The following ZNF530 variants were observed in gnomAD, a reference collection of about 807,000 sequenced individuals.
The protein encoded by ZNF530 is zinc finger protein 530.
A neutral mutation model predicts 2.8 loss-of-function variants in ZNF530; 5 were observed. That is an observed-to-expected ratio of 1.80 (90% CI 0.94 to 3.78). The LOEUF (loss-of-function observed/expected upper bound fraction) is 3.78, where lower values mean the gene tolerates loss of function less well. Ranked by LOEUF, ZNF530 falls within the 30% of genes most tolerant of loss-of-function variation. The probability of loss-of-function intolerance (pLI) is 0.00; values close to 1 mark genes in which losing one functional copy is unlikely to be tolerated. For synonymous variants in ZNF530, 229 were observed against 235.0 expected, an observed-to-expected ratio of 0.97 and a Z score of 0.23; for missense variants, 619 against 673.3, an observed-to-expected ratio of 0.92 and a Z score of 0.89.
In ZNF530 at chr19:57,606,246, T is replaced by C; in HGVS notation, c.622T>C (p.Cys208Arg). The change falls in exon 4 of 4, where the codon TGC becomes CGC. Residue 208 changes from cysteine to arginine, a missense_variant. By Grantham distance (180) the Cys-to-Arg change is radical (BLOSUM62 -3). Transcript: ENST00000597700. Reference protein sequence around the residue: ...RADSGERPYKCSECGKSFSQS... With the variant: ...RADSGERPYKRSECGKSFSQS... ...TGACTCTGGAGAAAGGCCTTACAAG[T>C]GCAGTGAATGTGGGAAATCCTTTAG... 1 of 1,614,234 alleles carries C rather than the reference T, an allele frequency of 6.2e-7. No homozygotes were observed.
At position 57,600,132 on chromosome 19, in the gene ZNF530, C is replaced by A; in HGVS notation, c.-124C>A. The A allele has an allele frequency of 1.3e-6, 2 of 1,570,856 alleles. No homozygotes were observed. The highest frequency in any genetic ancestry group is 1.8e-5 in the Admixed American group (1 of 54,930). On this transcript the variant is annotated splice_region_variant and 5_prime_UTR_variant, in exon 1 of 4. Transcript: ENST00000597700. ...GGCGGCGGCACTGAGGGCCCCGACC[C>A]AGGTGAGCGCTGCGTCCTCCCGGCC... is the stretch of plus-strand genomic sequence containing the variant.
chr19:57,607,303 A>G lies in ZNF530; in HGVS notation c.1679A>G (p.His560Arg). The change falls in exon 4 of 4, where the codon CAC (histidine) becomes CGC (arginine). Residue 560 changes from histidine to arginine, a missense_variant. His to Arg is a conservative substitution (Grantham distance 29). Transcript: ENST00000597700. ...AGCCAAAGCTCTGGCCTCTTAAGAC[A>G]CAGAAGAGTTCATGTGCAGTGAATG... is the stretch of plus-strand genomic sequence containing the variant. The part of the protein sequence containing the change: ...SFSQSSGLLR[H>R]RRVHVQ 6.2e-7 allele frequency: 1 copy of G among 1,609,186 alleles called. No homozygotes were observed. Among genetic ancestry groups the G allele is most frequent in the Non-Finnish European group, 8.5e-7 (1 of 1,177,364 alleles).
Position 57,607,075 on chromosome 19 carries a change from G to A in ZNF530, c.1451G>A (p.Arg484Lys), listed in dbSNP as rs1184339308. The A allele has an allele frequency of 5.0e-6, 8 of 1,612,918 alleles. No individual in the cohort carries two copies. The highest frequency in any genetic ancestry group is 1.6e-4 in the Middle Eastern group (1 of 6,074). ...IRHQTVHTNERPYECDECGKS... is the reference protein window; with the variant it reads ...IRHQTVHTNEKPYECDECGKS... ...CACCAGACTGTTCACACTAATGAAA[G>A]GCCTTATGAGTGCGATGAATGTGGG... The change falls in exon 4 of 4, where the codon AGG becomes AAG. Residue 484 changes from arginine to lysine, a missense_variant. Physicochemically the swap from Arg to Lys is conservative, Grantham distance 26. Transcript: ENST00000597700.
At position 57,605,934 on chromosome 19, in the gene ZNF530, C is replaced by T. The variant is rs768170721; in HGVS notation, c.310C>T (p.Gln104Ter). ...FWMSSNLHQL[Q>*]KLDNGEKLFK... ...GATGAGTTCAAACCTTCACCAGCTC[C>T]AGAAGCTTGATAATGGAGAGAAGCT... The change falls in exon 4 of 4, where the codon CAG (glutamine) becomes TAG (stop). Residue 104 changes from glutamine to a stop codon, truncating the protein, a stop_gained. Transcript: ENST00000597700. LOFTEE classifies it low-confidence loss of function (END_TRUNC). 38 of 1,614,076 alleles carry T rather than the reference C, an allele frequency of 2.4e-5. No individual in the cohort carries two copies. Among genetic ancestry groups the T allele is most frequent in the Non-Finnish European group, 3.1e-5 (37 of 1,180,038 alleles).
chr19:57,606,446 A>G lies in ZNF530; in HGVS notation c.822A>G (p.Val274=). 6.2e-7 allele frequency: 1 copy of G among 1,613,612 alleles called. No individual in the cohort carries two copies. ...AATGTGGCAAATCCTTTCGCCAGGT[A>G]TCTGTCCTCATTCAACATCAACGAG... ...CSECGKSFRQ[V]SVLIQHQRVH... Residue 274 remains valine, a synonymous_variant, in exon 4 of 4, where the codon GTA becomes GTG. Transcript: ENST00000597700.
Position 57,606,667 on chromosome 19 carries a change from G to A in ZNF530, c.1043G>A (p.Cys348Tyr). The A allele has an allele frequency of 6.2e-7, 1 of 1,614,184 alleles. No individual in the cohort carries two copies. The highest frequency in any genetic ancestry group is 8.5e-7 in the Non-Finnish European group (1 of 1,180,028). ...RVHTGVRPYE[C>Y]SECGKAFSCN... The stretch of plus-strand genomic sequence containing the variant: ...CACACTGGAGTAAGGCCTTATGAGT[G>A]TAGTGAATGTGGGAAAGCATTTAGT... The change falls in exon 4 of 4, where the codon TGT (cysteine) becomes TAT (tyrosine). Residue 348 changes from cysteine to tyrosine, a missense_variant. Transcript: ENST00000597700.
At chr19:57,601,374 G>GT (rs1471903727) in intron 2 of ZNF530, among the ~76,000 whole-genome samples, 27 of 152,182 alleles carry the variant, frequency 1.8e-4, no homozygotes, top group Admixed American at 3.3e-4. Flanking sequence ...TGATTTTCTG[G>GT]TATTGGGACT....
At chr19:57,603,075 G>C (rs1980322057) in intron 2 of ZNF530, among the ~76,000 whole-genome samples, 6 of 152,190 alleles carry the variant, frequency 3.9e-5, no homozygotes, top group African/African-American at 7.2e-5. Context: ...ATTTTTAGTA[G>C]AGACGGGGTT....
chr19:57,610,649 T>C (rs11880574), downstream of ZNF530, among the ~76,000 whole-genome samples: 9,395 of 152,096 alleles, frequency 0.062, 419 homozygotes, highest in East Asian at 0.16. Context: ...ACACTGTTCC[T>C]CAGGAAACAG....
At position 57,606,415 on chromosome 19, in the gene ZNF530, G is replaced by A; in HGVS notation, c.791G>A (p.Cys264Tyr). The A allele has an allele frequency of 6.2e-7, 1 of 1,613,874 alleles. No individual in the cohort carries two copies. ...CACACTGGAGAAAGGCCTTATGACT[G>A]CAGTGAATGTGGCAAATCCTTTCGC... ...RVHTGERPYD[C>Y]SECGKSFRQV... Residue 264 changes from cysteine (C) to tyrosine (Y), a missense_variant, in exon 4 of 4, where the codon TGC (cysteine) becomes TAC (tyrosine). Transcript: ENST00000597700.
chr19:57,599,936 A>T lies in ZNF530; in HGVS notation c.-320A>T, dbSNP rs1447540707. ...GGGCACTTTGGCTTGTGTCAGTTCC[A>T]TCCGCGGGTGCCGGATCTGGACCTA... is the stretch of plus-strand genomic sequence containing the variant. On this transcript the variant is annotated 5_prime_UTR_variant, in exon 1 of 4. Coordinates refer to ENST00000597700, the MANE Select transcript of ZNF530 (RefSeq NM_001321981.2). 1.4e-6 allele frequency: 1 copy of T among 709,870 alleles called. No individual in the cohort carries two copies. The highest frequency in any genetic ancestry group is 2.2e-6 in the Non-Finnish European group (1 of 456,586). The allele number at this position is 709,870 out of a possible 1,614,324, so 44.0% of individuals were successfully genotyped here.
downstream of ZNF530, among the ~76,000 whole-genome samples, chr19:57,612,131 G>A (rs1263267537): frequency 6.6e-6 from 1 of 152,162 alleles, no homozygotes; most frequent in East Asian, 1.9e-4. Flanking sequence ...CTGGCATTGA[G>A]CTCTCCATGT....
Position 57,606,277 on chromosome 19 carries a change from G to GT in ZNF530, c.655dup (p.Ser219PhefsTer12). On this transcript the variant is annotated frameshift_variant, in exon 4 of 4. Transcript: ENST00000597700. LOFTEE classifies it low-confidence loss of function (END_TRUNC). ...GAATGTGGGAAATCCTTTAGTCAAA[G>GT]TTCTGGCTTTCTTCGACACAGGAAA... 1 of 1,613,968 alleles carries GT rather than the reference G, an allele frequency of 6.2e-7. No individual in the cohort carries two copies. Among genetic ancestry groups the GT allele is most frequent in the East Asian group, 2.2e-5 (1 of 44,864 alleles).
downstream of ZNF530, chr19:57,612,662 C>T: frequency 2.5e-6 from 1 of 396,164 alleles, no homozygotes; most frequent in Non-Finnish European, 4.4e-6. Context: ...GCCTGTGCAA[C>T]ACAGTGAGAT....
Position 57,600,118 on chromosome 19 carries a change from T to C in ZNF530, c.-138T>C. On this transcript the variant is annotated 5_prime_UTR_variant, in exon 1 of 4. Coordinates refer to ENST00000597700, the MANE Select transcript of ZNF530 (RefSeq NM_001321981.2). Reference sequence around the variant, plus strand: ...GCCCAGAGTCCGATGGCGGCGGCACTGAGGGCCCCGACCCAGGTGAGCGCT... The same window carrying C: ...GCCCAGAGTCCGATGGCGGCGGCACCGAGGGCCCCGACCCAGGTGAGCGCT... 1 of 1,567,340 alleles carries C rather than the reference T, an allele frequency of 6.4e-7. No individual in the cohort carries two copies. The highest frequency in any genetic ancestry group is 8.7e-7 in the Non-Finnish European group (1 of 1,155,214).
Position 57,604,367 on chromosome 19 carries a change from G to A in ZNF530, c.22G>A (p.Asp8Asn), listed in dbSNP as rs146090269. ...TGAGATGCAGAGGCTCCTGTACCGCGATGTGATGCTGGAGAACTTTGCAGT... is the reference window on the plus strand; with the variant it reads ...TGAGATGCAGAGGCTCCTGTACCGCAATGTGATGCTGGAGAACTTTGCAGT... MQRLLYRDVMLENFAVMA... is the reference protein window; with the variant it reads MQRLLYRNVMLENFAVMA... Residue 8 changes from aspartate (D) to asparagine (N), a missense_variant, in exon 3 of 4, where the codon GAT becomes AAT. Asp to Asn is a conservative substitution (Grantham distance 23). Transcript: ENST00000597700. 2.2e-4 allele frequency: 357 copies of A among 1,613,912 alleles called. No individual in the cohort carries two copies. The highest frequency in any genetic ancestry group is 1.4e-3 in the African/African-American group (108 of 74,908).
chr19:57,601,997 A>G (rs539703326), intron 2 of ZNF530, among the ~76,000 whole-genome samples: 2 of 152,354 alleles, frequency 1.3e-5, no homozygotes, highest in East Asian at 1.9e-4. Context: ...TGGGGATCAC[A>G]TTTCCAGGTG....
At position 57,599,934 on chromosome 19, in the gene ZNF530, C is replaced by A; in HGVS notation, c.-322C>A. 1 of 690,694 alleles carries A rather than the reference C, an allele frequency of 1.4e-6. No individual in the cohort carries two copies. Among genetic ancestry groups the A allele is most frequent in the Non-Finnish European group, 2.3e-6 (1 of 438,502 alleles). The allele number at this position is 690,694 out of a possible 1,614,324, so 42.8% of individuals were successfully genotyped here. On this transcript the variant is annotated 5_prime_UTR_variant, in exon 1 of 4. Transcript: ENST00000597700. ...GCGGGCACTTTGGCTTGTGTCAGTT[C>A]CATCCGCGGGTGCCGGATCTGGACC...
rs150857722 is a variant in ZNF530, at chr19:57,609,965, C to A, written c.*2640C>A. 6.6e-6 allele frequency among the ~76,000 whole-genome samples: 1 copy of A among 152,154 alleles called. No homozygotes were observed. Among genetic ancestry groups the A allele is most frequent in the African/African-American group, 2.4e-5 (1 of 41,500 alleles). ...GTCTGCCTCTACGTGGCCTGGGGAGCTAGATGGTAGAGTCAATAGAGACTT... is the reference window on the plus strand; with the variant it reads ...GTCTGCCTCTACGTGGCCTGGGGAGATAGATGGTAGAGTCAATAGAGACTT... On this transcript the variant is annotated 3_prime_UTR_variant, in exon 4 of 4. Coordinates refer to ENST00000597700, the MANE Select transcript of ZNF530 (RefSeq NM_001321981.2).
Sources: gnomAD v4.1 joint callset for allele counts (sites outside exome capture counted in the v4.1 genomes callset) on GRCh38, gnomAD v4.1.1 for gene constraint, MANE v1.5 for transcripts, NCBI Gene and HGNC (gene_info 2026-07-23, HGNC 2026-07-21) for gene names.